ARHGAP27: variants seen among roughly 807,000 people sequenced by gnomAD.
ARHGAP27 encodes the protein rho GTPase-activating protein 27.
A neutral mutation model predicts 102.0 loss-of-function variants in ARHGAP27; 53 were observed. The observed-to-expected ratio is 0.52, with a 90% confidence interval of 0.42 to 0.65. The LOEUF (loss-of-function observed/expected upper bound fraction) is 0.65. Among genes scored for constraint, ARHGAP27 ranks in the 30% least tolerant of loss-of-function variants. ARHGAP27 has a pLI of 0.00. For synonymous variants in ARHGAP27, 525 were observed against 542.8 expected, an observed-to-expected ratio of 0.97 and a Z score of 0.46; for missense variants, 1,117 against 1,256.2, an observed-to-expected ratio of 0.89 and a Z score of 1.68.
chr17:45,417,180 T>A (rs1318593022), intron 4 of ARHGAP27, among the ~76,000 whole-genome samples: 1 of 151,242 alleles, frequency 6.6e-6, no homozygotes, highest in African/African-American at 2.4e-5. Context: ...AAAATTATTT[T>A]TGGCTGGGCG....
chr17:45,404,000 CCCCGGCCTGAGTGTAGA>C lies in ARHGAP27; in HGVS notation c.1547+12_1547+28del, dbSNP rs746946663. Reference sequence around the variant, plus strand: ...AACATCGTCACCAAGGCCCACCCTGCCCCGGCCTGAGTGTAGATGGGCTCTCACCGGAGCCGCTTTCC... The same window carrying C: ...AACATCGTCACCAAGGCCCACCCTGCTGGGCTCTCACCGGAGCCGCTTTCC... On this transcript the variant is annotated intron_variant, in intron 10 of 19. Coordinates refer to ENST00000685559, the MANE Select transcript of ARHGAP27 (RefSeq NM_001282290.2). 3.1e-6 allele frequency: 5 copies of C among 1,612,372 alleles called. No individual in the cohort carries two copies. The highest frequency in any genetic ancestry group is 4.2e-6 in the Non-Finnish European group (5 of 1,179,078).
At chr17:45,406,412 G>A (rs767580773) in intron 4 of ARHGAP27, among the ~76,000 whole-genome samples, 8 of 152,192 alleles carry the variant, frequency 5.3e-5, no homozygotes, top group Non-Finnish European at 1.0e-4. Flanking sequence ...TAAAATGTCT[G>A]CTCTGTCCAT....
intron 4 of ARHGAP27, chr17:45,410,346 A>G: frequency 7.0e-7 from 1 of 1,434,108 alleles, no homozygotes; most frequent in South Asian, 1.4e-5. Context: ...GGTAGAGCCC[A>G]GGGGCACTAC....
At position 45,395,717 on chromosome 17, in the gene ARHGAP27, C is replaced by G. The variant is rs755391425; in HGVS notation, c.2492+27G>C. On this transcript the variant is annotated intron_variant, in intron 19 of 19. Transcript: ENST00000685559. ...GGGCTTCAGCCGGGACCTGCCTCCC[C>G]CTTCCCGCGCGGGCCGCCCGGCTCA... The G allele has an allele frequency of 6.4e-6, 10 of 1,573,900 alleles. No individual in the cohort carries two copies. In the Admixed American group the frequency reaches 7.2e-5, roughly 11 times the overall value.
intron 12 of ARHGAP27, among the ~76,000 whole-genome samples, chr17:45,399,605 G>T (rs951593402): frequency 3.3e-5 from 5 of 151,790 alleles, no homozygotes; most frequent in Non-Finnish European, 5.9e-5. Flanking sequence ...GAAAAGAAAA[G>T]AAAAGAAAAG....
At chr17:45,405,136 C>T in intron 5 of ARHGAP27, 30 bp from the exon 6 acceptor site, 1 of 1,546,382 alleles carries the variant, frequency 6.5e-7, no homozygotes, top group East Asian at 2.3e-5. Flanking sequence ...GAGTCAGAGG[C>T]TCTGAGTGCC....
intron 4 of ARHGAP27, among the ~76,000 whole-genome samples, chr17:45,424,061 G>C (rs2049304785): frequency 6.6e-6 from 1 of 152,210 alleles, no homozygotes; most frequent in South Asian, 2.1e-4. Flanking sequence ...CTCTGGCCCA[G>C]TCCCTAGACA....
intron 12 of ARHGAP27, 65 bp from the exon 13 acceptor site, chr17:45,398,112 G>T: frequency 7.1e-7 from 1 of 1,399,792 alleles, no homozygotes; most frequent in Non-Finnish European, 9.9e-7. Context: ...GTTGGCCCTA[G>T]TTGGGGGTAG....
intron 4 of ARHGAP27, chr17:45,409,915 C>T (rs568578906): frequency 9.3e-5 from 33 of 355,854 alleles, no homozygotes; most frequent in Non-Finnish European, 1.7e-4. Context: ...AGTGGCCTTC[C>T]GACCTCAGGC....
intron 6 of ARHGAP27, 56 bp downstream of exon 6, chr17:45,404,868 G>A: frequency 6.2e-7 from 1 of 1,611,928 alleles, no homozygotes; most frequent in South Asian, 1.1e-5. Flanking sequence ...TATTAGTGAG[G>A]AAGGTTGTGG....
At chr17:45,412,901 T>G (rs1402725416) in intron 4 of ARHGAP27, among the ~76,000 whole-genome samples, 1 of 151,000 alleles carries the variant, frequency 6.6e-6, no homozygotes, top group African/African-American at 2.4e-5. Flanking sequence ...GTGTTTAATT[T>G]TAAGCCTCCT....
At chr17:45,402,387 T>G (rs1482523193) in intron 12 of ARHGAP27, among the ~76,000 whole-genome samples, 3 of 152,302 alleles carry the variant, frequency 2.0e-5, no homozygotes, top group Non-Finnish European at 4.4e-5. Flanking sequence ...GAATATGTGA[T>G]GTTAGAAACA....
Position 45,430,037 on chromosome 17 carries a change from G to C in ARHGAP27, c.243C>G (p.Pro81=). 1 of 1,248,966 alleles carries C rather than the reference G, an allele frequency of 8.0e-7. No individual in the cohort carries two copies. Among genetic ancestry groups the C allele is most frequent in the Non-Finnish European group, 1.0e-6 (1 of 997,686 alleles). 77.4% of individuals were successfully genotyped at this position (1,248,966 alleles called of 1,614,324 possible). ...GNPAAAAPPG[P]HPSPAAPEPL... is the part of the protein sequence containing the mutation. ...GCTCAGGGGCCGCGGGGCTCGGGTG[G>C]GGACCTGGCGGCGCGGCGGCGGCAG... Residue 81 remains proline (P), a synonymous_variant, in exon 4 of 20, where the codon CCC becomes CCG. Coordinates refer to ENST00000685559, the MANE Select transcript of ARHGAP27 (RefSeq NM_001282290.2). The surrounding 1 kb of genome is among the most constrained non-coding windows in gnomAD (Gnocchi z 4.4).
Position 45,429,986 on chromosome 17 carries a change from C to T in ARHGAP27, c.294G>A (p.Val98=). 1 of 1,169,796 alleles carries T rather than the reference C, an allele frequency of 8.5e-7. No homozygotes were observed. The highest frequency in any genetic ancestry group is 1.1e-6 in the Non-Finnish European group (1 of 950,062). 72.5% of individuals were successfully genotyped at this position (1,169,796 alleles called of 1,614,324 possible). ...CGGGGCCCGCGGTCGCCGCCGCGCTCACAAACCGGTAGTCGTAGGCGAGCG... is the reference window on the plus strand; with the variant it reads ...CGGGGCCCGCGGTCGCCGCCGCGCTTACAAACCGGTAGTCGTAGGCGAGCG... ...PEPLAYDYRF[V]SAAATAGPDG... is the part of the protein sequence containing the mutation. The change falls in exon 4 of 20, where the codon GTG becomes GTA. Residue 98 remains valine (V), a synonymous_variant. Transcript: ENST00000685559.
At chr17:45,400,532 T>C (rs1445664537) in intron 12 of ARHGAP27, among the ~76,000 whole-genome samples, 1 of 152,170 alleles carries the variant, frequency 6.6e-6, no homozygotes, top group Non-Finnish European at 1.5e-5. Flanking sequence ...GAAACTTTCA[T>C]CAAAAGTCCA....
chr17:45,396,359 C>T (rs2045661955), intron 16 of ARHGAP27, 75 bp from the exon 17 acceptor site: 9 of 1,492,714 alleles, frequency 6.0e-6, no homozygotes, highest in African/African-American at 1.4e-5. Context: ...TGCTATGACT[C>T]CCACTCGGGG....
intron 4 of ARHGAP27, among the ~76,000 whole-genome samples, chr17:45,417,646 C>T (rs1181584723): frequency 5.9e-5 from 9 of 151,380 alleles, no homozygotes; most frequent in Non-Finnish European, 7.4e-5. Flanking sequence ...ACTTGCTACT[C>T]GGGAGGCTGA....
At chr17:45,432,717 C>T (rs1386935921) in intron 1 of ARHGAP27, 35 bp downstream of exon 1, 3 of 149,772 alleles carry the variant, frequency 2.0e-5, no homozygotes, top group African/African-American at 7.4e-5. Context: ...AACCCCCGCT[C>T]GGCGCCCCAC....
chr17:45,414,835 T>A (rs1158831202), intron 4 of ARHGAP27, among the ~76,000 whole-genome samples: 1 of 86,894 alleles, frequency 1.2e-5, no homozygotes, highest in African/African-American at 4.5e-5. Context: ...AGCAGGTGGA[T>A]CGCTTGAGGT....
Sources: allele counts gnomAD v4.1 joint callset (sites outside exome capture counted in the v4.1 genomes callset), GRCh38; gene constraint gnomAD v4.1.1; non-coding constraint Gnocchi (gnomAD v3.1); transcripts MANE v1.5; gene names NCBI Gene and HGNC (gene_info 2026-07-23, HGNC 2026-07-21).